The following RIMS2 variants were observed in gnomAD, a reference collection of about 807,000 sequenced individuals.
RIMS2 encodes the protein regulating synaptic membrane exocytosis 2, also known as regulating synaptic membrane exocytosis protein 2.
A neutral mutation model predicts 174.4 loss-of-function variants in RIMS2; 59 were observed. That is an observed-to-expected ratio of 0.34 (90% CI 0.27 to 0.42). The LOEUF (loss-of-function observed/expected upper bound fraction) is 0.42. RIMS2 is among the 10% of genes least tolerant of loss of function. RIMS2 has a pLI of 1.00. For synonymous variants in RIMS2, 606 were observed against 572.5 expected (o/e 1.06, Z -0.84); for missense variants, 1,620 against 1,666.3 (o/e 0.97, Z 0.48).
At chr8:103,987,307 T>C (rs1489391222) in intron 16 of RIMS2, among the ~76,000 whole-genome samples, 1 of 152,152 alleles carries the variant, frequency 6.6e-6, no homozygotes, top group East Asian at 1.9e-4. Flanking sequence ...CAAACGTATG[T>C]AAAAAATCTT....
At chr8:104,035,798 A>C (rs1461491758) in intron 19 of RIMS2, among the ~76,000 whole-genome samples, 2 of 152,148 alleles carry the variant, frequency 1.3e-5, no homozygotes, top group Non-Finnish European at 2.9e-5. Context: ...GTTCTTGGTC[A>C]TTATCAGCAG....
At chr8:103,873,021 G>C (rs2099119767) in intron 3 of RIMS2, among the ~76,000 whole-genome samples, 1 of 152,148 alleles carries the variant, frequency 6.6e-6, no homozygotes, top group Non-Finnish European at 1.5e-5. Flanking sequence ...TTTAAGAGGT[G>C]TTATTTGAAC....
intron 2 of RIMS2, among the ~76,000 whole-genome samples, chr8:103,699,961 T>C (rs1329041090): frequency 6.6e-6 from 1 of 152,186 alleles, no homozygotes; most frequent in Non-Finnish European, 1.5e-5. Context: ...TCAAATTCTT[T>C]GGAATTTGTT....
intron 1 of RIMS2, among the ~76,000 whole-genome samples, chr8:103,632,203 A>G (rs1457174173): frequency 1.3e-5 from 2 of 152,132 alleles, no homozygotes; most frequent in African/African-American, 2.4e-5. Flanking sequence ...GTCTTGTGTC[A>G]GTTTTCAAGG....
rs1344079213 is a variant in RIMS2, at chr8:104,213,885, AAAAAAG to A, written c.3335-31028_3335-31023del. ...AGCGAGACTCTGCCTCGGAAAAAAAAAAAAAGAAGAAGAAGAAGAAGAAGAAGAAGA... is the reference window on the plus strand; with the variant it reads ...AGCGAGACTCTGCCTCGGAAAAAAAAAAGAAGAAGAAGAAGAAGAAGAAGA... On this transcript the variant is annotated intron_variant, in intron 19 of 23. Transcript: ENST00000504942. Among the ~76,000 whole-genome samples the A allele has an allele frequency of 1.6e-3, 230 of 140,332 alleles. 1 individual carries two copies. Among genetic ancestry groups the A allele is most frequent in the African/African-American group, 6.7e-3 (223 of 33,212 alleles). The allele number at this position is 140,332 out of a possible 152,430, so 92.1% of individuals were successfully genotyped here. A position where few individuals can be genotyped will look rare whatever the true frequency, so the allele number is the denominator to read the frequency against.
At chr8:103,801,289 C>T (rs1279971412) in intron 3 of RIMS2, among the ~76,000 whole-genome samples, 1 of 152,132 alleles carries the variant, frequency 6.6e-6, no homozygotes, top group Non-Finnish European at 1.5e-5. Context: ...ACCCAGCCAG[C>T]AATGTCTTTA....
intron 2 of RIMS2, among the ~76,000 whole-genome samples, chr8:103,721,050 CATGA>C (rs2097440618): frequency 6.6e-6 from 1 of 152,084 alleles, no homozygotes; most frequent in South Asian, 2.1e-4. Context: ...GTGGATCCTT[CATGA>C]ATGGTTTAGC....
intron 10 of RIMS2, among the ~76,000 whole-genome samples, chr8:103,923,266 T>G (rs930605538): frequency 2.6e-5 from 4 of 151,986 alleles, no homozygotes; most frequent in Middle Eastern, 3.4e-3. Context: ...TAAAACTGTG[T>G]GTGTGTGTGC....
In RIMS2 at chr8:103,943,006, A is replaced by T. The variant is rs1004729890; in HGVS notation, c.2701+80A>T. ...GATGTATGTGATAAAGAACTTGAAG[A>T]TATCTTTGTGAATATTAATAGTCAT... On this transcript the variant is annotated intron_variant, in intron 14 of 23. Transcript: ENST00000504942. 3.5e-5 allele frequency: 37 copies of T among 1,044,608 alleles called. No homozygotes were observed. In the South Asian group the frequency reaches 5.5e-4, roughly 15 times the overall value. The allele number at this position is 1,044,608 out of a possible 1,614,324, so 64.7% of individuals were successfully genotyped here.
chr8:104,140,575 G>A lies in RIMS2; in HGVS notation c.3335-104341G>A, dbSNP rs529265816. ...AGTGGTACCTCTAGGTAGATAATTAGAAATGGATACTTGCTTTGAACAGAA... is the reference window on the plus strand; with the variant it reads ...AGTGGTACCTCTAGGTAGATAATTAAAAATGGATACTTGCTTTGAACAGAA... On this transcript the variant is annotated intron_variant, in intron 19 of 23. Coordinates refer to ENST00000504942, the Ensembl canonical transcript of RIMS2. Among the ~76,000 whole-genome samples the A allele has an allele frequency of 3.3e-5, 5 of 152,248 alleles. No homozygotes were observed. The South Asian group carries it at 1.0e-3, about 32-fold the overall frequency.
chr8:103,862,378 T>G (rs1298943018), intron 3 of RIMS2, among the ~76,000 whole-genome samples: 1 of 152,070 alleles, frequency 6.6e-6, no homozygotes, highest in African/African-American at 2.4e-5. Context: ...ATTTACCCTA[T>G]TCTTGTAGTA....
chr8:103,693,898 A>C (rs1418425071), intron 1 of RIMS2, among the ~76,000 whole-genome samples: 1 of 152,202 alleles, frequency 6.6e-6, no homozygotes, highest in Non-Finnish European at 1.5e-5. Context: ...AGCCTGTGTC[A>C]GGAGGGGCTG....
chr8:103,713,171 A>G (rs1324227131), intron 2 of RIMS2, among the ~76,000 whole-genome samples: 1 of 151,988 alleles, frequency 6.6e-6, no homozygotes, highest in African/African-American at 2.4e-5. Flanking sequence ...GGCACACACC[A>G]CCATGCTTGG....
intron 19 of RIMS2, among the ~76,000 whole-genome samples, chr8:104,017,550 T>C (rs1259366316): frequency 1.3e-5 from 2 of 152,178 alleles, no homozygotes; most frequent in Non-Finnish European, 1.5e-5. Flanking sequence ...TTTTGTAAAA[T>C]GTCATTTTCT....
At chr8:103,827,942 A>C (rs1459990230) in intron 3 of RIMS2, among the ~76,000 whole-genome samples, 3 of 151,752 alleles carry the variant, frequency 2.0e-5, no homozygotes, top group South Asian at 4.2e-4. Context: ...CTTTTTCTTC[A>C]GTAATTGAAA....
intron 19 of RIMS2, among the ~76,000 whole-genome samples, chr8:104,040,680 A>T (rs1165966293): frequency 6.6e-6 from 1 of 151,784 alleles, no homozygotes; most frequent in Non-Finnish European, 1.5e-5. Flanking sequence ...TAATGCTGAA[A>T]TGAAGCCATG....
intron 3 of RIMS2, among the ~76,000 whole-genome samples, chr8:103,772,351 G>C (rs1014152784): frequency 6.6e-6 from 1 of 151,548 alleles, no homozygotes; most frequent in Non-Finnish European, 1.5e-5. Flanking sequence ...ATAGTAGCAA[G>C]GAAAAACTTA....
At chr8:103,967,103 T>G (rs2092029305) in intron 15 of RIMS2, among the ~76,000 whole-genome samples, 1 of 151,718 alleles carries the variant, frequency 6.6e-6, no homozygotes, top group Non-Finnish European at 1.5e-5. Context: ...GTTGATTATA[T>G]TCAGTTGATG....
intron 19 of RIMS2, among the ~76,000 whole-genome samples, chr8:104,097,182 T>A (rs1236643980): frequency 6.6e-6 from 1 of 152,204 alleles, no homozygotes; most frequent in East Asian, 1.9e-4. Context: ...AGTTCGGATT[T>A]TTTTCAGATT....
Sources: allele counts gnomAD v4.1 joint callset (sites outside exome capture counted in the v4.1 genomes callset), GRCh38; gene constraint gnomAD v4.1.1; transcripts MANE v1.5; gene names NCBI Gene and HGNC (gene_info 2026-07-23, HGNC 2026-07-21).